Variants in CAMSAP2 observed in about 807,000 individuals in gnomAD.
CAMSAP2 encodes calmodulin-regulated spectrin-associated protein 2.
In CAMSAP2, 26 loss-of-function variants were observed where a neutral mutation model predicts 146.1. That is an observed-to-expected ratio of 0.18 (90% CI 0.13 to 0.25). CAMSAP2 has a LOEUF of 0.25. Among genes scored for constraint, CAMSAP2 ranks in the 10% least tolerant of loss-of-function variants. The probability of loss-of-function intolerance (pLI) is 1.00; values close to 1 mark genes in which losing one functional copy is unlikely to be tolerated. For missense variants in CAMSAP2, 1,381 were observed against 1,759.3 expected (o/e 0.78, Z 3.85); for synonymous variants, 499 against 596.6 (o/e 0.84, Z 2.38).
At chr1:200,824,637 A>G (rs148813389) in intron 4 of CAMSAP2, among the ~76,000 whole-genome samples, 23 of 152,254 alleles carry the variant, frequency 1.5e-4, no homozygotes, top group African/African-American at 5.5e-4. Flanking sequence ...CAGTCCTACA[A>G]TACATATACA....
chr1:200,743,748 G>A (rs755525915), intron 1 of CAMSAP2, among the ~76,000 whole-genome samples: 5 of 151,882 alleles, frequency 3.3e-5, no homozygotes, highest in Admixed American at 6.6e-5. Context: ...CAAGACCAGC[G>A]TGACCAACAT....
At chr1:200,750,726 G>T (rs1271553222) in intron 1 of CAMSAP2, among the ~76,000 whole-genome samples, 1 of 151,646 alleles carries the variant, frequency 6.6e-6, no homozygotes, top group Non-Finnish European at 1.5e-5. Context: ...CCGGGTTCAA[G>T]TGATTCTCCT....
chr1:200,842,364 T>G (rs555616415), intron 7 of CAMSAP2, among the ~76,000 whole-genome samples: 4 of 152,298 alleles, frequency 2.6e-5, no homozygotes, highest in Non-Finnish European at 5.9e-5. Flanking sequence ...ATCCCAGCTT[T>G]TATTCCCTTT....
chr1:200,775,726 C>G (rs1470948588), intron 2 of CAMSAP2, among the ~76,000 whole-genome samples: 1 of 152,108 alleles, frequency 6.6e-6, no homozygotes, highest in South Asian at 2.1e-4. Flanking sequence ...GATGAGGTTT[C>G]ACCATGTTGA....
Position 200,768,359 on chromosome 1 carries a change from G to A in CAMSAP2, c.399+7261G>A, listed in dbSNP as rs137911249. ...TCAAAGGAAGCAGCTTAGTTGTGGC[G>A]TTAGCACTAGCTGCCTTTTGAGGGG... On this transcript the variant is annotated intron_variant, in intron 2 of 16. Transcript: ENST00000358823. 4.1e-4 allele frequency among the ~76,000 whole-genome samples: 62 copies of A among 152,310 alleles called. No individual in the cohort carries two copies. The East Asian group carries it at 8.9e-3, about 22-fold the overall frequency.
chr1:200,770,969 A>C (rs1374293603), intron 2 of CAMSAP2, among the ~76,000 whole-genome samples: 1 of 152,196 alleles, frequency 6.6e-6, no homozygotes, highest in Non-Finnish European at 1.5e-5. Flanking sequence ...CAATCTTCTT[A>C]CTTCTAACCC....
chr1:200,739,754 C>A lies in CAMSAP2; in HGVS notation c.-74C>A. ...GGTTTGAGCTTGCTTCTCCCTCCCT[C>A]CCGACCCCCGTGGTGGCGAGGCCAC... is the stretch of plus-strand genomic sequence containing the variant. On this transcript the variant is annotated 5_prime_UTR_variant, in exon 1 of 17. Coordinates refer to ENST00000358823, the MANE Select transcript of CAMSAP2 (RefSeq NM_203459.4). The surrounding 1 kb of genome is among the most constrained non-coding windows in gnomAD (Gnocchi z 4.8). The A allele has an allele frequency of 2.0e-5, 28 of 1,425,540 alleles. No individual in the cohort carries two copies. The highest frequency in any genetic ancestry group is 2.2e-5 in the Non-Finnish European group (23 of 1,048,296). The allele number at this position is 1,425,540 out of a possible 1,614,324, so 88.3% of individuals were successfully genotyped here. A position where few individuals can be genotyped will look rare whatever the true frequency, so the allele number is the denominator to read the frequency against.
At chr1:200,742,828 A>G (rs73086632) in intron 1 of CAMSAP2, among the ~76,000 whole-genome samples, 15,753 of 149,282 alleles carry the variant, frequency 0.11, 890 homozygotes, top group Middle Eastern at 0.14. Context: ...GTGAGCATAG[A>G]ATGAAGTAAT....
chr1:200,848,278 C>G lies in CAMSAP2; in HGVS notation c.1509C>G (p.Pro503=). The G allele has an allele frequency of 6.2e-7, 1 of 1,612,976 alleles. No individual in the cohort carries two copies. The highest frequency in any genetic ancestry group is 8.5e-7 in the Non-Finnish European group (1 of 1,179,586). Residue 503 remains proline, a synonymous_variant, in exon 11 of 17, where the codon CCC becomes CCG. Coordinates refer to ENST00000358823, the MANE Select transcript of CAMSAP2 (RefSeq NM_203459.4). ...DSHSDLKSCV[P]LNTNELNSNE... is the part of the protein sequence containing the mutation. ...ACAGTGACCTCAAATCTTGTGTGCC[C>G]CTTAACACAAATGAACTAAATTCTA...
At chr1:200,772,077 A>G (rs906950172) in intron 2 of CAMSAP2, among the ~76,000 whole-genome samples, 3 of 152,216 alleles carry the variant, frequency 2.0e-5, no homozygotes, top group Non-Finnish European at 4.4e-5. Flanking sequence ...AAGAGATCCT[A>G]GCAATCATCT....
At chr1:200,835,809 A>C (rs1667170864) in intron 6 of CAMSAP2, among the ~76,000 whole-genome samples, 1 of 152,206 alleles carries the variant, frequency 6.6e-6, no homozygotes, top group Admixed American at 6.5e-5. Flanking sequence ...TCAGCTAAAA[A>C]TTTAAATGCT....
chr1:200,857,622 C>T lies in CAMSAP2; in HGVS notation c.4132-132C>T, dbSNP rs192961708. On this transcript the variant is annotated intron_variant, in intron 16 of 16. Transcript: ENST00000358823. The surrounding 1 kb of genome is among the most constrained non-coding windows in gnomAD (Gnocchi z 4.7). ...GATTTTATTAAAGACTAGCAATAGG[C>T]TTTAAGATTTGTCATTGAAATAATG... The T allele has an allele frequency of 3.5e-3, 3,166 of 912,286 alleles. 8 individuals carry two copies. Among genetic ancestry groups the T allele is most frequent in the Non-Finnish European group, 4.3e-3 (2,641 of 614,464 alleles). 56.5% of individuals were successfully genotyped at this position (912,286 alleles called of 1,614,324 possible).
At chr1:200,824,221 C>T (rs532026382) in intron 4 of CAMSAP2, among the ~76,000 whole-genome samples, 1 of 150,424 alleles carries the variant, frequency 6.6e-6, no homozygotes, top group Admixed American at 6.7e-5. Flanking sequence ...TGATATGCCC[C>T]CATTCATCCA....
chr1:200,833,222 A>G (rs530788978), intron 6 of CAMSAP2, among the ~76,000 whole-genome samples: 1 of 152,280 alleles, frequency 6.6e-6, no homozygotes, highest in Non-Finnish European at 1.5e-5. Flanking sequence ...TTAATATACT[A>G]TAAGCTACAA....
intron 3 of CAMSAP2, among the ~76,000 whole-genome samples, chr1:200,813,789 T>A (rs1666398952): frequency 6.6e-6 from 1 of 152,022 alleles, no homozygotes; most frequent in African/African-American, 2.4e-5. Context: ...AATTAGAAAG[T>A]GTTTGTTTTT....
intron 2 of CAMSAP2, among the ~76,000 whole-genome samples, chr1:200,767,736 T>G (rs948821562): frequency 6.6e-6 from 1 of 152,196 alleles, no homozygotes. Flanking sequence ...AAAAATTAAT[T>G]ACATTCTCAT....
At position 200,853,291 on chromosome 1, in the gene CAMSAP2, G is replaced by C. The variant is rs756717375; in HGVS notation, c.3619G>C (p.Glu1207Gln). The C allele has an allele frequency of 8.1e-6, 13 of 1,613,020 alleles. No individual in the cohort carries two copies. Among genetic ancestry groups the C allele is most frequent in the Admixed American group, 6.7e-5 (4 of 59,974 alleles). ...KEETRRKTEE[E>Q]RQKKEDERAR... ...ATTTCTTAGGCGTAAAACTGAGGAA[G>C]AACGTCAGAAGAAAGAAGATGAGAG... is the stretch of plus-strand genomic sequence containing the variant. The change falls in exon 13 of 17, where the codon GAA becomes CAA. Residue 1207 changes from glutamate (E) to glutamine (Q), a missense_variant. This residue lies in a region of CAMSAP2 where 560 missense variants were observed against 715.9 expected (regional missense o/e 0.78). Transcript: ENST00000358823. The surrounding 1 kb of genome is among the most constrained non-coding windows in gnomAD (Gnocchi z 5.1).
intron 6 of CAMSAP2, among the ~76,000 whole-genome samples, chr1:200,835,447 C>T (rs1030334024): frequency 1.3e-5 from 2 of 152,122 alleles, no homozygotes; most frequent in South Asian, 4.1e-4. Flanking sequence ...ATTCATTCAT[C>T]GGCAGATATT....
chr1:200,846,061 A>G (rs981717956), intron 8 of CAMSAP2, among the ~76,000 whole-genome samples: 1 of 152,178 alleles, frequency 6.6e-6, no homozygotes, highest in Non-Finnish European at 1.5e-5. Context: ...GTTAAAACTA[A>G]TGTCTTTTGT....
Sources: allele counts gnomAD v4.1 joint callset (sites outside exome capture counted in the v4.1 genomes callset), GRCh38; gene constraint gnomAD v4.1.1; regional missense constraint gnomAD v4.1.1; non-coding constraint Gnocchi (gnomAD v3.1); transcripts MANE v1.5; gene names NCBI Gene and HGNC (gene_info 2026-07-23, HGNC 2026-07-21).